RSAD2: variants seen among roughly 807,000 people sequenced by gnomAD.
The protein encoded by RSAD2 is S-adenosylmethionine-dependent nucleotide dehydratase RSAD2.
A neutral mutation model predicts 37.7 loss-of-function variants in RSAD2; 38 were observed. That is an observed-to-expected ratio of 1.01 (90% confidence interval 0.78 to 1.32). RSAD2 has a LOEUF of 1.32. RSAD2 is among the 40% of genes most tolerant of loss of function. The pLI is 0.00. For synonymous variants in RSAD2, 163 were observed against 157.4 expected (o/e 1.04, Z -0.27); for missense variants, 428 against 437.5 (o/e 0.98, Z 0.19).
In RSAD2 at chr2:6,878,022, C is replaced by T. The variant is rs1416585642; in HGVS notation, c.222C>T (p.Ser74=). Residue 74 remains serine, a synonymous_variant, in exon 1 of 6, where the codon AGC becomes AGT. Transcript: ENST00000382040. The part of the protein sequence containing the change: ...EDPPLPTTPT[S]VNYHFTRQCN... The stretch of plus-strand genomic sequence containing the variant: ...CTCCTCTGCCCACCACCCCAACCAG[C>T]GTCAACTATCACTTCACTCGCCAGT... 1.9e-6 allele frequency: 3 copies of T among 1,614,064 alleles called. No homozygotes were observed. Among genetic ancestry groups the T allele is most frequent in the East Asian group, 2.2e-5 (1 of 44,896 alleles).
At chr2:6,872,549 AG>A (rs150013249) in intron 1 of RSAD2, among the ~76,000 whole-genome samples, 2,712 of 152,212 alleles carry the variant, frequency 0.018, 91 homozygotes, top group African/African-American at 0.061. Context: ...TTGATAAGGA[AG>A]GTTGAAAAGA....
chr2:6,896,298 T>C lies in RSAD2; in HGVS notation c.*356T>C, dbSNP rs1215415307. 1 of 171,288 alleles carries C rather than the reference T, an allele frequency of 5.8e-6. No individual in the cohort carries two copies. The highest frequency in any genetic ancestry group is 1.6e-4 in the East Asian group (1 of 6,294). The allele number at this position is 171,288 out of a possible 1,614,324, so 10.6% of individuals were successfully genotyped here. On this transcript the variant is annotated 3_prime_UTR_variant, in exon 6 of 6. Coordinates refer to ENST00000382040, the MANE Select transcript of RSAD2 (RefSeq NM_080657.5). ...CAGGACCTGACATTTAGCTCAATGA[T>C]GCGTTTGTAAGAAATAAGCTCTAGT...
At chr2:6,877,450 A>G (rs55872551), upstream of RSAD2, among the ~76,000 whole-genome samples, 7,000 of 152,328 alleles carry the variant, frequency 0.046, 228 homozygotes, top group Non-Finnish European at 0.074. Flanking sequence ...CGTGCTGATT[A>G]ATGCACCTTG....
At chr2:6,879,780 G>T (rs1369320134) in intron 1 of RSAD2, among the ~76,000 whole-genome samples, 2 of 151,950 alleles carry the variant, frequency 1.3e-5, no homozygotes, top group Non-Finnish European at 2.9e-5. Flanking sequence ...AGTAATAGAG[G>T]CTTAAGAAAT....
intron 1 of RSAD2, among the ~76,000 whole-genome samples, chr2:6,880,902 C>G (rs1335943912): frequency 6.6e-6 from 1 of 151,736 alleles, no homozygotes; most frequent in Non-Finnish European, 1.5e-5. Flanking sequence ...ACTTTCCTGG[C>G]TTTTAAACTG....
At chr2:6,886,886 G>A (rs780551865) in intron 2 of RSAD2, 49 bp from the exon 3 acceptor site, 1 of 1,413,614 alleles carries the variant, frequency 7.1e-7, no homozygotes, top group Admixed American at 1.8e-5. Flanking sequence ...ATAGCCCAAG[G>A]GGCTTGGTCC....
chr2:6,878,269 C>T (rs1344616659), intron 1 of RSAD2, 123 bp downstream of exon 1: 6 of 758,712 alleles, frequency 7.9e-6, no homozygotes, highest in Non-Finnish European at 1.3e-5. Flanking sequence ...TCACCATTTA[C>T]CCTTGCATGG....
At position 6,893,679 on chromosome 2, in the gene RSAD2, C is replaced by T; in HGVS notation, c.897C>T (p.Asp299=). 6.2e-7 allele frequency: 1 copy of T among 1,607,470 alleles called. No individual in the cohort carries two copies. The highest frequency in any genetic ancestry group is 1.1e-5 in the South Asian group (1 of 90,852). The change falls in exon 5 of 6, where the codon GAC becomes GAT. Residue 299 remains aspartate (D), a synonymous_variant. Coordinates refer to ENST00000382040, the MANE Select transcript of RSAD2 (RefSeq NM_080657.5). The stretch of plus-strand genomic sequence containing the variant: ...TAACTTCTCCTTTGCAGATGAAAGA[C>T]TCCTACCTTATTCTGGATGAATATG... ...LVPESNQKMK[D]SYLILDEYMR...
At chr2:6,886,463 A>G (rs1663523217) in intron 2 of RSAD2, among the ~76,000 whole-genome samples, 1 of 152,234 alleles carries the variant, frequency 6.6e-6, no homozygotes. Context: ...TGATGAGACA[A>G]CTGTCAAGAA....
chr2:6,875,341 CT>C (rs1381602832), upstream of RSAD2, among the ~76,000 whole-genome samples: 23 of 152,228 alleles, frequency 1.5e-4, no homozygotes, highest in African/African-American at 5.3e-4. Context: ...GACATTTCCC[CT>C]ACTCGAATTA....
chr2:6,890,728 T>C (rs1663613799), intron 4 of RSAD2, among the ~76,000 whole-genome samples: 1 of 152,252 alleles, frequency 6.6e-6, no homozygotes, highest in Non-Finnish European at 1.5e-5. Context: ...CTTTATTTAG[T>C]TGAATAATCT....
chr2:6,874,787 T>C (rs116459126), upstream of RSAD2, among the ~76,000 whole-genome samples: 1,416 of 152,162 alleles, frequency 9.3e-3, 10 homozygotes, highest in African/African-American at 0.033. Flanking sequence ...AGCATTTGCC[T>C]TTCTCCCTAC....
In RSAD2 at chr2:6,896,303, T is replaced by G. The variant is rs1013771273; in HGVS notation, c.*361T>G. The G allele has an allele frequency of 9.5e-5, 16 of 168,360 alleles. No homozygotes were observed. Among genetic ancestry groups the G allele is most frequent in the African/African-American group, 3.8e-4 (16 of 42,154 alleles). The allele number at this position is 168,360 out of a possible 1,614,324, so 10.4% of individuals were successfully genotyped here. A position where few individuals can be genotyped will look rare whatever the true frequency, so the allele number is the denominator to read the frequency against. On this transcript the variant is annotated 3_prime_UTR_variant, in exon 6 of 6. Transcript: ENST00000382040. ...CCTGACATTTAGCTCAATGATGCGT[T>G]TGTAAGAAATAAGCTCTAGTGATAT...
chr2:6,878,107 G>A lies in RSAD2; in HGVS notation c.307G>A (p.Glu103Lys), dbSNP rs1663323457. ...CAAAACATCCTTTGTGCTGCCCCTT[G>A]AGGAAGCAAAGAGAGGATTGCTTTT... ...TAKTSFVLPL[E>K]EAKRGLLLLK... Residue 103 changes from glutamate (E) to lysine (K), a missense_variant, in exon 1 of 6, where the codon GAG becomes AAG. Coordinates refer to ENST00000382040, the MANE Select transcript of RSAD2 (RefSeq NM_080657.5). 1.2e-6 allele frequency: 2 copies of A among 1,614,058 alleles called. No homozygotes were observed. Among genetic ancestry groups the A allele is most frequent in the African/African-American group, 1.3e-5 (1 of 74,936 alleles).
chr2:6,885,125 T>C (rs996723018), intron 2 of RSAD2, among the ~76,000 whole-genome samples: 2 of 152,138 alleles, frequency 1.3e-5, no homozygotes, highest in Non-Finnish European at 2.9e-5. Flanking sequence ...GAATAAAGGA[T>C]ACAGAACAGA....
rs149793142 is a variant in RSAD2 at position 6,883,467 on chromosome 2, G to C, written c.443G>C (p.Arg148Pro). 2.5e-6 allele frequency: 4 copies of C among 1,614,160 alleles called. No individual in the cohort carries two copies. Among genetic ancestry groups the C allele is most frequent in the Non-Finnish European group, 3.4e-6 (4 of 1,180,042 alleles). ...KLVRFCKVEL[R>P]LPSVSIVSNG... ...GTGAGGTTCTGCAAAGTAGAGTTGC[G>C]GCTGCCCAGCGTGAGCATCGTGAGC... The change falls in exon 2 of 6, where the codon CGG becomes CCG. Residue 148 changes from arginine (R) to proline (P), a missense_variant. Physicochemically the swap from Arg to Pro is moderately radical, Grantham distance 103. Transcript: ENST00000382040.
rs948654877 is a variant in RSAD2 at position 6,895,997 on chromosome 2, T to G, written c.*55T>G. ...CCAGTGGGAAAACTCCTAGAGTAAC[T>G]GCCATTGTCTGCAATACTATCCCGT... On this transcript the variant is annotated 3_prime_UTR_variant, in exon 6 of 6. Coordinates refer to ENST00000382040, the MANE Select transcript of RSAD2 (RefSeq NM_080657.5). 2 of 1,535,364 alleles carry G rather than the reference T, an allele frequency of 1.3e-6. No individual in the cohort carries two copies. The highest frequency in any genetic ancestry group is 2.7e-5 in the African/African-American group (2 of 73,202).
chr2:6,888,865 C>T (rs575733395), intron 3 of RSAD2, among the ~76,000 whole-genome samples: 3 of 152,326 alleles, frequency 2.0e-5, no homozygotes, highest in African/African-American at 7.2e-5. Context: ...GAGGCTGCCT[C>T]CTCCACTGTG....
intron 3 of RSAD2, among the ~76,000 whole-genome samples, chr2:6,888,300 A>G (rs115328795): frequency 2.1e-3 from 317 of 152,294 alleles, no homozygotes; most frequent in African/African-American, 7.4e-3. Flanking sequence ...AAAAATTGCT[A>G]ATAGGTATGT....
Sources: allele counts gnomAD v4.1 joint callset (sites outside exome capture counted in the v4.1 genomes callset), GRCh38; gene constraint gnomAD v4.1.1; transcripts MANE v1.5; gene names NCBI Gene and HGNC (gene_info 2026-07-23, HGNC 2026-07-21).